The following SLC8A1 variants were observed in gnomAD, a reference collection of about 807,000 sequenced individuals.
The protein encoded by SLC8A1 is sodium/calcium exchanger 1.
Under a neutral mutation model 68.3 loss-of-function variants are expected in SLC8A1, and 18 were observed. That is an observed-to-expected ratio of 0.26 (90% CI 0.18 to 0.39). The LOEUF is 0.39. SLC8A1 is among the 10% of genes least tolerant of loss of function. SLC8A1 has a pLI of 1.00. For missense variants in SLC8A1, 985 were observed against 1,156.7 expected, an observed-to-expected ratio of 0.85 and a Z score of 2.15; for synonymous variants, 475 against 415.5, an observed-to-expected ratio of 1.14 and a Z score of -1.74.
intron 2 of SLC8A1, among the ~76,000 whole-genome samples, chr2:40,200,558 T>G (rs2054166256): frequency 6.6e-6 from 1 of 151,378 alleles, no homozygotes; most frequent in Non-Finnish European, 1.5e-5. Context: ...TTAGTCCCTC[T>G]TAGCCCCCTT....
intron 2 of SLC8A1, among the ~76,000 whole-genome samples, chr2:40,199,083 T>C (rs967227510): frequency 1.1e-5 from 1 of 88,932 alleles, no homozygotes; most frequent in Non-Finnish European, 2.9e-5. Flanking sequence ...GCTGATATAA[T>C]AGAAAATTGT....
At chr2:40,141,674 G>A (rs1243760754) in intron 6 of SLC8A1, among the ~76,000 whole-genome samples, 1 of 152,148 alleles carries the variant, frequency 6.6e-6, no homozygotes, top group Admixed American at 6.5e-5. Flanking sequence ...AAAAACACCT[G>A]GTATGGGCTG....
intron 2 of SLC8A1, among the ~76,000 whole-genome samples, chr2:40,242,940 A>G (rs2061403528): frequency 6.6e-6 from 1 of 150,896 alleles, no homozygotes; most frequent in Non-Finnish European, 1.5e-5. Flanking sequence ...TCTTTATTCC[A>G]TAGTTATTAA....
intron 2 of SLC8A1, among the ~76,000 whole-genome samples, chr2:40,242,197 T>C (rs979953286): frequency 1.3e-5 from 2 of 151,982 alleles, no homozygotes; most frequent in African/African-American, 4.8e-5. Context: ...AATATGACAA[T>C]ACTTTGGAGA....
intron 2 of SLC8A1, among the ~76,000 whole-genome samples, chr2:40,422,508 A>G (rs1576365995): frequency 6.6e-6 from 1 of 152,270 alleles, no homozygotes; most frequent in East Asian, 1.9e-4. Context: ...TCCCTTGGTT[A>G]ATGGTGTCCT....
In SLC8A1 at chr2:40,174,688, TA is replaced by T; in HGVS notation, c.1930+136del. 4.7e-6 allele frequency: 7 copies of T among 1,495,484 alleles called. No homozygotes were observed. The highest frequency in any genetic ancestry group is 1.4e-5 in the African/African-American group (1 of 71,208). 92.6% of individuals were successfully genotyped at this position (1,495,484 alleles called of 1,614,324 possible). Reference sequence around the variant, plus strand: ...GTATTTGGGGAAAAATAAGGAACATTAAAAAAATAAGTCTTACCAAACAGGT... The same window carrying T: ...GTATTTGGGGAAAAATAAGGAACATTAAAAAATAAGTCTTACCAAACAGGT... On this transcript the variant is annotated intron_variant, in intron 4 of 7. Transcript: ENST00000406785.
chr2:40,409,377 G>A (rs12996425), intron 2 of SLC8A1, among the ~76,000 whole-genome samples: 7,369 of 152,150 alleles, frequency 0.048, 321 homozygotes, highest in East Asian at 0.24. Context: ...ATGGCCAAAA[G>A]ATAATGGATT....
intron 1 of SLC8A1, among the ~76,000 whole-genome samples, chr2:40,475,245 T>G (rs1704211872): frequency 6.6e-6 from 1 of 152,148 alleles, no homozygotes; most frequent in Admixed American, 6.5e-5. Context: ...GCCATTCTCC[T>G]GCCTCAGCCT....
intron 2 of SLC8A1, among the ~76,000 whole-genome samples, chr2:40,311,382 TTAAAAA>T (rs2073638359): frequency 2.0e-5 from 3 of 151,910 alleles, no homozygotes; most frequent in African/African-American, 7.3e-5. Flanking sequence ...AGAAAAAAAA[TTAAAAA>T]TAAATAAATT....
intron 1 of SLC8A1, among the ~76,000 whole-genome samples, chr2:40,496,511 A>C (rs1283758359): frequency 6.6e-6 from 1 of 151,986 alleles, no homozygotes; most frequent in East Asian, 1.9e-4. Flanking sequence ...GATAAACCAG[A>C]GCTTGACTTT....
chr2:40,489,368 C>A lies in SLC8A1; in HGVS notation c.-25+22981G>T, dbSNP rs566830405. On this transcript the variant is annotated intron_variant, in intron 1 of 7. Coordinates refer to the SLC8A1 transcript ENST00000402441. Reference sequence around the variant, plus strand: ...AAACACATGTATTAAGGTGAACATGCCATATAGACGAGGTACAATATCAAA... The same window carrying A: ...AAACACATGTATTAAGGTGAACATGACATATAGACGAGGTACAATATCAAA... Among the ~76,000 whole-genome samples, 20 of 152,130 alleles carry A rather than the reference C, an allele frequency of 1.3e-4. No individual in the cohort carries two copies. The South Asian group carries it at 4.2e-3, about 32-fold the overall frequency.
At chr2:40,154,825 C>T (rs547722907) in intron 6 of SLC8A1, among the ~76,000 whole-genome samples, 22 of 151,838 alleles carry the variant, frequency 1.4e-4, no homozygotes, top group African/African-American at 2.7e-4. Flanking sequence ...CTATCACACC[C>T]GGCTAATTTT....
intron 2 of SLC8A1, among the ~76,000 whole-genome samples, chr2:40,245,383 C>G (rs924635792): frequency 9.3e-5 from 14 of 150,694 alleles, no homozygotes; most frequent in African/African-American, 2.5e-4. Context: ...TTCCTTATGA[C>G]AAAATTCACA....
chr2:40,214,069 T>C (rs11889015), intron 2 of SLC8A1, among the ~76,000 whole-genome samples: 17,650 of 152,198 alleles, frequency 0.12, 1,106 homozygotes, highest in Non-Finnish European at 0.13. Flanking sequence ...AGAAGTCCCA[T>C]TTGATGAGGG....
chr2:40,400,806 C>G (rs1247500985), intron 2 of SLC8A1, among the ~76,000 whole-genome samples: 1 of 152,148 alleles, frequency 6.6e-6, no homozygotes, highest in Admixed American at 6.5e-5. Flanking sequence ...GGAGCATCTG[C>G]CTTCTAAGGA....
intron 1 of SLC8A1, among the ~76,000 whole-genome samples, chr2:40,477,641 C>T (rs757772010): frequency 5.3e-5 from 8 of 152,086 alleles, no homozygotes; most frequent in Non-Finnish European, 1.0e-4. Context: ...ACTTTGTACA[C>T]GTAAGCCACA....
In SLC8A1 at chr2:40,449,727, G is replaced by C. The variant is rs886517371; in HGVS notation, c.-25+2177C>G. Among the ~76,000 whole-genome samples the C allele has an allele frequency of 2.6e-5, 4 of 152,088 alleles. No individual in the cohort carries two copies. The South Asian group carries it at 8.3e-4, about 32-fold the overall frequency. On this transcript the variant is annotated intron_variant, in intron 1 of 7. Transcript: ENST00000406785. Reference sequence around the variant, plus strand: ...ATAGAAAATAAGCCTTCATATTTTAGTTCATTACTCTCCTCCTTCAGCCCT... The same window carrying C: ...ATAGAAAATAAGCCTTCATATTTTACTTCATTACTCTCCTCCTTCAGCCCT...
intron 2 of SLC8A1, among the ~76,000 whole-genome samples, chr2:40,356,513 G>C (rs1426665276): frequency 6.7e-6 from 1 of 149,770 alleles, no homozygotes; most frequent in Non-Finnish European, 1.5e-5. Context: ...CCTTTCATTA[G>C]AAGATACCAA....
At chr2:40,214,503 C>T (rs542039325) in intron 2 of SLC8A1, among the ~76,000 whole-genome samples, 1 of 150,756 alleles carries the variant, frequency 6.6e-6, no homozygotes, top group South Asian at 2.1e-4. Flanking sequence ...AGTGCAATGG[C>T]GCAATCTTGG....
Sources: gnomAD v4.1 joint callset for allele counts (sites outside exome capture counted in the v4.1 genomes callset) on GRCh38, gnomAD v4.1.1 for gene constraint, MANE v1.5 for transcripts, NCBI Gene and HGNC (gene_info 2026-07-23, HGNC 2026-07-21) for gene names.